DENND4C: variants seen among roughly 807,000 people sequenced by gnomAD.
DENND4C encodes DENN domain containing 4C.
DENND4C carries 108 observed loss-of-function variants against 203.0 expected under a neutral mutation model. The ratio of observed to expected loss-of-function variants is 0.53; its 90% CI spans 0.46 to 0.62. The LOEUF is 0.62. DENND4C is among the 20% of genes least tolerant of loss of function. The pLI is 0.00. For synonymous variants in DENND4C, 871 were observed against 792.4 expected (o/e 1.10, Z -1.67); for missense variants, 2,481 against 2,301.2 (o/e 1.08, Z -1.60).
chr9:19,356,612 T>C (rs1273290655), intron 26 of DENND4C, among the ~76,000 whole-genome samples: 3 of 152,034 alleles, frequency 2.0e-5, no homozygotes, highest in African/African-American at 7.2e-5. Context: ...GCTCTTTATT[T>C]TTTTTTTTAA....
At chr9:19,234,531 T>TTTG (rs1821398086) in intron 1 of DENND4C, among the ~76,000 whole-genome samples, 1 of 6,630 alleles carries the variant, frequency 1.5e-4, no homozygotes, top group African/African-American at 2.9e-4. Flanking sequence ...CACCTGGCTG[T>TTTG]TTTTTTTTTT....
At chr9:19,307,578 T>C (rs1403284222) in intron 10 of DENND4C, among the ~76,000 whole-genome samples, 1 of 151,662 alleles carries the variant, frequency 6.6e-6, no homozygotes, top group Non-Finnish European at 1.5e-5. Context: ...AAGACCACCC[T>C]GGCCAACATG....
rs1480638823 is a variant in DENND4C, at chr9:19,352,493, T to G, written c.4609T>G (p.Leu1537Val). 2 of 1,570,556 alleles carry G rather than the reference T, an allele frequency of 1.3e-6. No individual in the cohort carries two copies. Among genetic ancestry groups the G allele is most frequent in the East Asian group, 4.5e-5 (2 of 44,240 alleles). ...GTCTGCATTTTTCTGTTTTTAGGTTTTGATGTCCAGTTGTTCACAGTGTAG... is the reference window on the plus strand; with the variant it reads ...GTCTGCATTTTTCTGTTTTTAGGTTGTGATGTCCAGTTGTTCACAGTGTAG... The part of the protein sequence containing the change: ...SIYQNCAMEV[L>V]MSSCSQCRAC... Residue 1537 changes from leucine (L) to valine (V), a missense_variant, in exon 26 of 33, where the codon TTG (leucine) becomes GTG (valine). Coordinates refer to ENST00000434457, the MANE Select transcript of DENND4C (RefSeq NM_001330640.2).
At chr9:19,280,140 G>GCCTTTCTC (rs1554717095) in intron 2 of DENND4C, among the ~76,000 whole-genome samples, 1 of 149,222 alleles carries the variant, frequency 6.7e-6, no homozygotes, top group African/African-American at 2.5e-5. Flanking sequence ...CTACCTGCCT[G>GCCTTTCTC]CCTTCCTCCC....
At chr9:19,274,841 C>G (rs953711869) in intron 1 of DENND4C, among the ~76,000 whole-genome samples, 1 of 152,168 alleles carries the variant, frequency 6.6e-6, no homozygotes, top group Admixed American at 6.5e-5. Context: ...TGATGATGCA[C>G]TCAATTTATT....
chr9:19,334,152 C>G (rs1056858638), intron 17 of DENND4C, among the ~76,000 whole-genome samples: 1 of 152,218 alleles, frequency 6.6e-6, no homozygotes, highest in African/African-American at 2.4e-5. Flanking sequence ...TCCAGCAATT[C>G]TACTGCCTCA....
chr9:19,370,052 A>T, intron 31 of DENND4C, 65 bp downstream of exon 31: 1 of 1,566,914 alleles, frequency 6.4e-7, no homozygotes, highest in Non-Finnish European at 8.8e-7. Flanking sequence ...AAAATATCTT[A>T]CTTTTAAAAA....
intron 6 of DENND4C, 114 bp downstream of exon 6, chr9:19,296,360 T>A: frequency 2.8e-6 from 2 of 706,058 alleles, no homozygotes; most frequent in East Asian, 2.7e-5. Flanking sequence ...TGCATTTAAC[T>A]GAACTTTTTT....
At chr9:19,269,697 T>A (rs1831232118) in intron 1 of DENND4C, among the ~76,000 whole-genome samples, 1 of 152,228 alleles carries the variant, frequency 6.6e-6, no homozygotes, top group African/African-American at 2.4e-5. Flanking sequence ...AAAACAGCTA[T>A]TTTGACTTTG....
chr9:19,327,220 A>G (rs1477537921), intron 15 of DENND4C, among the ~76,000 whole-genome samples: 1 of 152,100 alleles, frequency 6.6e-6, no homozygotes, highest in Non-Finnish European at 1.5e-5. Context: ...GAAAGGCGCT[A>G]TATTCTGGAA....
intron 2 of DENND4C, among the ~76,000 whole-genome samples, chr9:19,283,615 T>C (rs1186136448): frequency 2.7e-5 from 4 of 147,698 alleles, no homozygotes; most frequent in East Asian, 2.0e-4. Context: ...TCTTTCTTTT[T>C]TTTTTTTTTT....
chr9:19,260,954 G>A (rs1033357836), intron 1 of DENND4C, among the ~76,000 whole-genome samples: 1 of 152,116 alleles, frequency 6.6e-6, no homozygotes, highest in Non-Finnish European at 1.5e-5. Context: ...CCAGTGTCCT[G>A]GAGAGTATCC....
At chr9:19,281,218 C>T (rs2130996684) in intron 2 of DENND4C, among the ~76,000 whole-genome samples, 1 of 148,688 alleles carries the variant, frequency 6.7e-6, no homozygotes, top group East Asian at 2.1e-4. Context: ...CTTTTTCATA[C>T]ACATCTTGCA....
At position 19,326,875 on chromosome 9, in the gene DENND4C, A is replaced by G. The variant is rs143995615; in HGVS notation, c.2120+681A>G. On this transcript the variant is annotated intron_variant, in intron 15 of 32. Coordinates refer to ENST00000434457, the MANE Select transcript of DENND4C (RefSeq NM_001330640.2). ...CCATTAAATATTTTTGTGCCTTATC[A>G]TTTGTAATGACCACATTGTATGCAT... 3.9e-4 allele frequency among the ~76,000 whole-genome samples: 60 copies of G among 152,158 alleles called. No homozygotes were observed. In the East Asian group the frequency reaches 9.1e-3, roughly 23 times the overall value.
intron 31 of DENND4C, 31 bp from the exon 32 acceptor site, chr9:19,371,725 C>T (rs373763815): frequency 1.1e-5 from 13 of 1,137,996 alleles, no homozygotes; most frequent in Non-Finnish European, 1.4e-5. Context: ...GCTATTTGCC[C>T]ATTGACTTTT....
intron 23 of DENND4C, 136 bp from the exon 24 acceptor site, chr9:19,350,566 T>G: frequency 1.5e-6 from 1 of 672,454 alleles, no homozygotes; most frequent in South Asian, 2.6e-5. Context: ...TGAGGAGATT[T>G]CATGGTTTTG....
At chr9:19,231,697 T>TA (rs921716797) in intron 1 of DENND4C, among the ~76,000 whole-genome samples, 8 of 152,170 alleles carry the variant, frequency 5.3e-5, no homozygotes, top group African/African-American at 1.9e-4. Flanking sequence ...TTAGGGTAGT[T>TA]ACCGCGGGTA....
In DENND4C at chr9:19,369,827, T is replaced by G; in HGVS notation, c.5525-10T>G. 1 of 1,544,338 alleles carries G rather than the reference T, an allele frequency of 6.5e-7. No individual in the cohort carries two copies. Among genetic ancestry groups the G allele is most frequent in the African/African-American group, 1.4e-5 (1 of 71,980 alleles). On this transcript the variant is annotated splice_polypyrimidine_tract_variant and intron_variant, in intron 30 of 32. Transcript: ENST00000434457. ...AATTGAAAAAAAACTTACTGTGTTC[T>G]TATTGTTAGATTCTGAAAAGAAATC...
intron 2 of DENND4C, among the ~76,000 whole-genome samples, chr9:19,280,319 G>T (rs1284383449): frequency 6.6e-6 from 1 of 151,988 alleles, no homozygotes; most frequent in Non-Finnish European, 1.5e-5. Context: ...GCTAACTTTT[G>T]TATTTTTAGT....
Sources: gnomAD v4.1 joint callset for allele counts (sites outside exome capture counted in the v4.1 genomes callset) on GRCh38, gnomAD v4.1.1 for gene constraint, MANE v1.5 for transcripts, NCBI Gene and HGNC (gene_info 2026-07-23, HGNC 2026-07-21) for gene names.